CLUL1: variants seen among roughly 807,000 people sequenced by gnomAD.
CLUL1 encodes clusterin-like protein 1.
A neutral mutation model predicts 49.4 loss-of-function variants in CLUL1; 43 were observed. The ratio of observed to expected loss-of-function variants is 0.87; its 90% CI spans 0.68 to 1.12. The LOEUF (loss-of-function observed/expected upper bound fraction) is 1.12, where lower values mean the gene tolerates loss of function less well. Ranked by LOEUF, CLUL1 falls within the 50% of genes most tolerant of loss-of-function variation. CLUL1 has a pLI of 0.00. For synonymous variants in CLUL1, 192 were observed against 184.9 expected (o/e 1.04, Z -0.31); for missense variants, 486 against 544.4 (o/e 0.89, Z 1.07).
intron 1 of CLUL1, among the ~76,000 whole-genome samples, chr18:603,266 T>G (rs112862263): frequency 0.03 from 4,498 of 152,018 alleles, 256 homozygotes; most frequent in African/African-American, 0.1. Flanking sequence ...GTGGCCCATT[T>G]GTATGGTAGA....
rs1458310498 is a variant in CLUL1, at chr18:618,360, A to AT, written c.106+261dup. ...TACAACTTGCCAGTTTTTTCACTGC[A>AT]TTTTTTTGTATCATCCAGATGGTTG... On this transcript the variant is annotated intron_variant, in intron 3 of 9. Coordinates refer to ENST00000692774, the MANE Select transcript of CLUL1 (RefSeq NM_001393344.1). The surrounding 1 kb of genome is among the most constrained non-coding windows in gnomAD (Gnocchi z 4.2). 2.0e-5 allele frequency among the ~76,000 whole-genome samples: 3 copies of AT among 152,234 alleles called. No homozygotes were observed. Among genetic ancestry groups the AT allele is most frequent in the Non-Finnish European group, 4.4e-5 (3 of 68,006 alleles).
intron 2 of CLUL1, chr18:614,566 A>G (rs2073238212): frequency 6.6e-6 from 1 of 152,204 alleles, no homozygotes; most frequent in South Asian, 2.1e-4. Flanking sequence ...CCAGGCTAAC[A>G]CCCCTGGCCT....
At chr18:613,639 G>A (rs1394080248) in intron 2 of CLUL1, among the ~76,000 whole-genome samples, 10 of 145,492 alleles carry the variant, frequency 6.9e-5, no homozygotes, top group East Asian at 2.1e-4. Context: ...ATTTTTAGTA[G>A]AGATGGGGTT....
intron 6 of CLUL1, among the ~76,000 whole-genome samples, chr18:629,888 A>C (rs2073938773): frequency 6.6e-6 from 1 of 152,170 alleles, no homozygotes; most frequent in South Asian, 2.1e-4. Context: ...TGTGGTTTCC[A>C]TCACTTTTCT....
intron 1 of CLUL1, chr18:597,859 A>G (rs1465664203): frequency 2.6e-5 from 4 of 152,274 alleles, no homozygotes; most frequent in Admixed American, 6.5e-5. Context: ...CCTGATTTCA[A>G]TCCCCATTGT....
chr18:624,957 C>T lies in CLUL1; in HGVS notation c.348C>T (p.Cys116=). 2 of 1,614,114 alleles carry T rather than the reference C, an allele frequency of 1.2e-6. No homozygotes were observed. Among genetic ancestry groups the T allele is most frequent in the African/African-American group, 2.7e-5 (2 of 75,030 alleles). The part of the protein sequence containing the change: ...RESLADSWGE[C]RSCLENNCMR... The stretch of plus-strand genomic sequence containing the variant: ...CTTTGGCAGATTCCTGGGGTGAATG[C>T]AGGTCTTGCCTGGAAAATAACTGCA... The change falls in exon 5 of 10, where the codon TGC becomes TGT. Residue 116 remains cysteine, a synonymous_variant. Transcript: ENST00000692774.
chr18:645,811 ATATATATATATATATATAT>A lies in CLUL1; in HGVS notation c.1397+715_1397+733del, dbSNP rs1164008305. ...TCTGTTTAAAAAAAAAAAAAAAAAAATATATATATATATATATATATATATATATATATATATATATGTT... is the reference window on the plus strand; with the variant it reads ...TCTGTTTAAAAAAAAAAAAAAAAAAAATATATATATATATATATATATGTT... On this transcript the variant is annotated intron_variant, in intron 9 of 9. Transcript: ENST00000692774. Among the ~76,000 whole-genome samples, 78 of 33,510 alleles carry A rather than the reference ATATATATATATATATATAT, an allele frequency of 2.3e-3. 10 individuals are homozygous for A. The highest frequency in any genetic ancestry group is 8.1e-3 in the African/African-American group (69 of 8,492). The allele number at this position is 33,510 out of a possible 152,430, so 22.0% of individuals were successfully genotyped here. A position where few individuals can be genotyped will look rare whatever the true frequency, so the allele number is the denominator to read the frequency against.
chr18:614,417 A>G (rs2073234523), intron 2 of CLUL1: 1 of 152,206 alleles, frequency 6.6e-6, no homozygotes, highest in South Asian at 2.1e-4. Flanking sequence ...GACAGCTGCT[A>G]TTATATTCTA....
chr18:605,977 T>C (rs954968528), intron 1 of CLUL1, among the ~76,000 whole-genome samples: 3 of 152,152 alleles, frequency 2.0e-5, no homozygotes, highest in African/African-American at 7.2e-5. Flanking sequence ...AGTGTAGTCG[T>C]TTTTTCTTTT....
In CLUL1 at chr18:641,446, G is replaced by C; in HGVS notation, c.1114G>C (p.Ala372Pro). The part of the protein sequence containing the change: ...QMTRKHLEDT[A>P]YLVEKMRGQF... ...GACCCGGAAGCACTTGGAGGACACCGCCTATCTGGTGGAGAAGATGAGAGG... is the reference window on the plus strand; with the variant it reads ...GACCCGGAAGCACTTGGAGGACACCCCCTATCTGGTGGAGAAGATGAGAGG... Residue 372 changes from alanine (A) to proline (P), a missense_variant, in exon 8 of 10, where the codon GCC becomes CCC. By Grantham distance (27) the Ala-to-Pro change is conservative. Coordinates refer to ENST00000692774, the MANE Select transcript of CLUL1 (RefSeq NM_001393344.1). 1 of 1,614,222 alleles carries C rather than the reference G, an allele frequency of 6.2e-7. No individual in the cohort carries two copies. The highest frequency in any genetic ancestry group is 1.1e-5 in the South Asian group (1 of 91,084).
At chr18:631,607 C>G (rs1249411050) in intron 6 of CLUL1, among the ~76,000 whole-genome samples, 1 of 152,076 alleles carries the variant, frequency 6.6e-6, no homozygotes, top group East Asian at 1.9e-4. Flanking sequence ...TAGAATTTGT[C>G]ATCCTTGGTG....
At chr18:648,344 C>G (rs140036904) in intron 9 of CLUL1, among the ~76,000 whole-genome samples, 5 of 152,136 alleles carry the variant, frequency 3.3e-5, no homozygotes, top group African/African-American at 1.2e-4. Context: ...ACAAGGCACA[C>G]GAAGTGATTT....
At chr18:608,040 C>T (rs886756759) in intron 2 of CLUL1, among the ~76,000 whole-genome samples, 9 of 152,192 alleles carry the variant, frequency 5.9e-5, no homozygotes, top group Non-Finnish European at 1.3e-4. Context: ...CGTCCCGCCA[C>T]CTAAAAAGCA....
At chr18:614,028 A>AT (rs1428356442) in intron 2 of CLUL1, among the ~76,000 whole-genome samples, 2 of 152,114 alleles carry the variant, frequency 1.3e-5, no homozygotes, top group Non-Finnish European at 2.9e-5. Context: ...CAATAATTGC[A>AT]TTTTTTATGA....
At chr18:616,760 T>C (rs899945974) in intron 2 of CLUL1, 24 of 934,896 alleles carry the variant, frequency 2.6e-5, no homozygotes, top group Non-Finnish European at 3.1e-5. Flanking sequence ...ATTGCAAAGT[T>C]AGTGGTAAAT....
In CLUL1 at chr18:629,530, C is replaced by T. The variant is rs967186349; in HGVS notation, c.856+2001C>T. Among the ~76,000 whole-genome samples the T allele has an allele frequency of 7.9e-5, 12 of 152,140 alleles. 1 individual carries two copies. The highest frequency in any genetic ancestry group is 1.9e-4 in the East Asian group (1 of 5,190). Reference sequence around the variant, plus strand: ...GTAACCCCCTCCCACACACCAGCTACGAACATAGGTTTCCACTGTCTGCCA... The same window carrying T: ...GTAACCCCCTCCCACACACCAGCTATGAACATAGGTTTCCACTGTCTGCCA... On this transcript the variant is annotated intron_variant, in intron 6 of 9. Transcript: ENST00000692774.
At chr18:640,239 G>A (rs955109216) in intron 7 of CLUL1, among the ~76,000 whole-genome samples, 7 of 151,456 alleles carry the variant, frequency 4.6e-5, no homozygotes, top group Non-Finnish European at 7.4e-5. Flanking sequence ...AGTGAGACCC[G>A]CCTCTACAAA....
At chr18:647,898 T>C (rs539106991) in intron 9 of CLUL1, among the ~76,000 whole-genome samples, 21 of 152,326 alleles carry the variant, frequency 1.4e-4, no homozygotes, top group African/African-American at 5.1e-4. Context: ...TCCCGAGACC[T>C]ACAGTCCATG....
chr18:641,263 C>T, intron 7 of CLUL1, 64 bp from the exon 8 acceptor site: 1 of 1,393,274 alleles, frequency 7.2e-7, no homozygotes, highest in Non-Finnish European at 1.0e-6. Context: ...GACTTAAGCC[C>T]ATGTTGCCCA....
Sources: allele counts gnomAD v4.1 joint callset (sites outside exome capture counted in the v4.1 genomes callset), GRCh38; gene constraint gnomAD v4.1.1; non-coding constraint Gnocchi (gnomAD v3.1); transcripts MANE v1.5; gene names NCBI Gene and HGNC (gene_info 2026-07-23, HGNC 2026-07-21).